The following VWA3B variants were observed in gnomAD, a reference collection of about 807,000 sequenced individuals.
VWA3B encodes von Willebrand factor A domain containing 3B.
A neutral mutation model predicts 158.3 loss-of-function variants in VWA3B; 138 were observed. The observed-to-expected ratio is 0.87, with a 90% CI of 0.76 to 1.00. VWA3B has a LOEUF of 1.00. VWA3B is among the 50% of genes least tolerant of loss of function. VWA3B has a pLI of 0.00. For missense variants in VWA3B, 1,555 were observed against 1,565.1 expected, an observed-to-expected ratio of 0.99 and a Z score of 0.11; for synonymous variants, 596 against 587.3, an observed-to-expected ratio of 1.01 and a Z score of -0.21.
At chr2:98,093,349 A>T in intron 2 of VWA3B, 61 bp downstream of exon 2, 1 of 1,572,972 alleles carries the variant, frequency 6.4e-7, no homozygotes, top group Non-Finnish European at 8.7e-7. Context: ...AGGTGGCTGC[A>T]TCAGCTCTGA....
chr2:98,224,471 G>C (rs1268473282), intron 14 of VWA3B, among the ~76,000 whole-genome samples: 2 of 152,118 alleles, frequency 1.3e-5, no homozygotes, highest in Non-Finnish European at 2.9e-5. Context: ...GTAAAATGTT[G>C]ATGCTGGGAC....
chr2:98,325,882 A>G, the VWA3B span, among the ~76,000 whole-genome samples: 1 of 152,208 alleles, frequency 6.6e-6, no homozygotes, highest in Non-Finnish European at 1.5e-5. Flanking sequence ...CCCAGATAAT[A>G]TATTTATTTT....
chr2:98,300,162 TA>T lies in VWA3B; in HGVS notation c.3368del (p.Lys1123SerfsTer12), dbSNP rs1690087855. On this transcript the variant is annotated frameshift_variant, in exon 25 of 28. Transcript: ENST00000477737. LOFTEE classifies it high-confidence loss of function. ...VPAIVIALPN[K>X]HVATEKFYTV... ...CTGCCATTGTCATAGCACTTCCCAA[TA>T]AGCATGTGGCCACAGAAAAATTCTA... 1 of 1,614,224 alleles carries T rather than the reference TA, an allele frequency of 6.2e-7. No homozygotes were observed. Among genetic ancestry groups the T allele is most frequent in the Middle Eastern group, 1.6e-4 (1 of 6,062 alleles).
At chr2:98,212,850 A>T (rs1683647991) in intron 13 of VWA3B, among the ~76,000 whole-genome samples, 1 of 152,178 alleles carries the variant, frequency 6.6e-6, no homozygotes, top group Non-Finnish European at 1.5e-5. Flanking sequence ...TCTCTTTGGA[A>T]GCAGTTCATC....
At chr2:98,136,823 G>C (rs1297867488) in intron 7 of VWA3B, among the ~76,000 whole-genome samples, 1 of 152,030 alleles carries the variant, frequency 6.6e-6, no homozygotes, top group Non-Finnish European at 1.5e-5. Context: ...CCTAGCAACC[G>C]CCATTCTACT....
chr2:98,185,378 C>G (rs577880482), intron 9 of VWA3B, among the ~76,000 whole-genome samples: 4 of 152,216 alleles, frequency 2.6e-5, no homozygotes, highest in Non-Finnish European at 5.9e-5. Flanking sequence ...TGGCTAATGC[C>G]AACTTTCCGT....
At chr2:98,277,825 G>T (rs1187368670) in intron 22 of VWA3B, among the ~76,000 whole-genome samples, 1 of 152,192 alleles carries the variant, frequency 6.6e-6, no homozygotes, top group African/African-American at 2.4e-5. Flanking sequence ...CACTATACAT[G>T]CAGGAAGATG....
intron 22 of VWA3B, among the ~76,000 whole-genome samples, chr2:98,285,190 A>G (rs1558761599): frequency 6.6e-6 from 1 of 152,180 alleles, no homozygotes; most frequent in East Asian, 1.9e-4. Context: ...GCCCATTTGC[A>G]GTCACTCTCT....
At chr2:98,143,583 G>T (rs1263950123) in intron 7 of VWA3B, among the ~76,000 whole-genome samples, 2 of 151,954 alleles carry the variant, frequency 1.3e-5, no homozygotes, top group African/African-American at 4.8e-5. Context: ...TGGTGGGGAG[G>T]CAGAGAGGAA....
chr2:98,157,994 A>G (rs1211860188), intron 7 of VWA3B, among the ~76,000 whole-genome samples: 1 of 152,216 alleles, frequency 6.6e-6, no homozygotes, highest in Non-Finnish European at 1.5e-5. Flanking sequence ...TTACTGTGGC[A>G]TGAACCTAGA....
At chr2:98,306,961 T>G (rs759077843) in intron 26 of VWA3B, among the ~76,000 whole-genome samples, 2 of 152,160 alleles carry the variant, frequency 1.3e-5, no homozygotes, top group Non-Finnish European at 2.9e-5. Context: ...GCTTAACCTG[T>G]CTCTGTTTCT....
At chr2:98,226,282 C>G (rs760438430) in intron 14 of VWA3B, among the ~76,000 whole-genome samples, 5 of 152,170 alleles carry the variant, frequency 3.3e-5, no homozygotes, top group African/African-American at 9.7e-5. Flanking sequence ...ACAACATGCT[C>G]GACTGATTTT....
chr2:98,139,907 T>A (rs1324817791), intron 7 of VWA3B, among the ~76,000 whole-genome samples: 1 of 152,136 alleles, frequency 6.6e-6, no homozygotes, highest in Non-Finnish European at 1.5e-5. Flanking sequence ...TTGCTACTGC[T>A]CACTCTTTGG....
intron 22 of VWA3B, among the ~76,000 whole-genome samples, chr2:98,274,554 G>T (rs866587095): frequency 6.6e-6 from 1 of 152,208 alleles, no homozygotes; most frequent in Non-Finnish European, 1.5e-5. Context: ...AGGCAGGGAT[G>T]TGGGGAAGAA....
chr2:98,129,714 T>A (rs1283983103), intron 6 of VWA3B, among the ~76,000 whole-genome samples: 1 of 152,176 alleles, frequency 6.6e-6, no homozygotes, highest in Non-Finnish European at 1.5e-5. Context: ...TGTGTATGTG[T>A]GTGTGTAAGT....
At chr2:98,179,667 T>C (rs1432413699) in intron 8 of VWA3B, among the ~76,000 whole-genome samples, 1 of 152,134 alleles carries the variant, frequency 6.6e-6, no homozygotes, top group Non-Finnish European at 1.5e-5. Context: ...CTTTTTTCTC[T>C]TTCTTTTCTT....
chr2:98,119,425 T>C (rs978947015), intron 3 of VWA3B, 88 bp from the exon 4 acceptor site: 20 of 1,447,586 alleles, frequency 1.4e-5, no homozygotes, highest in Admixed American at 2.0e-5. Flanking sequence ...AACACTGTTA[T>C]GAGTGCACAG....
intron 23 of VWA3B, among the ~76,000 whole-genome samples, chr2:98,296,875 AT>A (rs1232317188): frequency 1.3e-5 from 2 of 151,188 alleles, no homozygotes; most frequent in Non-Finnish European, 2.9e-5. Flanking sequence ...TATTCTAATA[AT>A]TATATTAATT....
At chr2:98,124,631 G>A (rs1675217192) in intron 5 of VWA3B, among the ~76,000 whole-genome samples, 1 of 152,232 alleles carries the variant, frequency 6.6e-6, no homozygotes, top group African/African-American at 2.4e-5. Flanking sequence ...GTTCAAAGGT[G>A]TACGCAGAAC....
Sources: allele counts gnomAD v4.1 joint callset (sites outside exome capture counted in the v4.1 genomes callset), GRCh38; gene constraint gnomAD v4.1.1; transcripts MANE v1.5; gene names NCBI Gene and HGNC (gene_info 2026-07-23, HGNC 2026-07-21).